Variants in STON1 observed in about 807,000 individuals in gnomAD.
STON1 encodes the protein stonin 1.
A neutral mutation model predicts 60.9 loss-of-function variants in STON1; 79 were observed. That is an observed-to-expected ratio of 1.30 (90% CI 1.08 to 1.56). The LOEUF is 1.56. STON1 is among the 40% of genes most tolerant of loss of function. The pLI is 0.00. For synonymous variants in STON1, 363 were observed against 306.9 expected (o/e 1.18, Z -1.91); for missense variants, 1,166 against 858.9 (o/e 1.36, Z -4.47).
chr2:48,538,763 A>ATTTTTTT (rs34052598), intron 1 of STON1, among the ~76,000 whole-genome samples: 1 of 86,372 alleles, frequency 1.2e-5, no homozygotes, highest in African/African-American at 4.6e-5. Flanking sequence ...ACACCCAGCT[A>ATTTTTTT]TTTTTTTTTT....
chr2:48,566,495 C>G (rs1332436895), intron 1 of STON1, among the ~76,000 whole-genome samples: 1 of 151,472 alleles, frequency 6.6e-6, no homozygotes, highest in East Asian at 1.9e-4. Context: ...GTTGGTCAGG[C>G]TGGTCTCAAT....
At chr2:48,530,316 G>A (rs1671152124) in intron 1 of STON1, 100 bp downstream of exon 1, 1 of 326,300 alleles carries the variant, frequency 3.1e-6, no homozygotes, top group Non-Finnish European at 5.9e-6. Flanking sequence ...CGGGCGCCCC[G>A]GGACGCGGGC....
intron 1 of STON1, among the ~76,000 whole-genome samples, chr2:48,564,273 C>G (rs1028989595): frequency 1.3e-5 from 2 of 152,024 alleles, no homozygotes; most frequent in African/African-American, 4.8e-5. Flanking sequence ...TCTCACAGTT[C>G]CAGAGGCTGA....
intron 1 of STON1, among the ~76,000 whole-genome samples, chr2:48,564,426 T>TTCC (rs1672751996): frequency 2.3e-5 from 1 of 43,288 alleles, no homozygotes; most frequent in Non-Finnish European, 5.1e-5. Flanking sequence ...CTTCTTCTTC[T>TTCC]TCTTCTTCTT....
At chr2:48,553,674 GAC>G in intron 1 of STON1, among the ~76,000 whole-genome samples, 1 of 152,126 alleles carries the variant, frequency 6.6e-6, no homozygotes, top group South Asian at 2.1e-4. Context: ...TTTTAGTAGA[GAC>G]ACAGTTTTAT....
At chr2:48,536,215 T>G (rs1671420513) in intron 1 of STON1, among the ~76,000 whole-genome samples, 1 of 152,164 alleles carries the variant, frequency 6.6e-6, no homozygotes, top group Non-Finnish European at 1.5e-5. Context: ...ATAATGATAG[T>G]ATCTATTACA....
intron 1 of STON1, among the ~76,000 whole-genome samples, chr2:48,548,940 C>G (rs1671979224): frequency 6.6e-6 from 1 of 152,188 alleles, no homozygotes. Context: ...GGCTTCTAAG[C>G]TCCTTTGTGC....
intron 2 of STON1, among the ~76,000 whole-genome samples, chr2:48,584,270 A>C (rs11682008): frequency 0.072 from 10,916 of 151,582 alleles, 499 homozygotes; most frequent in Non-Finnish European, 0.1. Flanking sequence ...AAACCTGGCT[A>C]TATTATTATT....
intron 2 of STON1, among the ~76,000 whole-genome samples, chr2:48,586,744 A>T (rs1181272610): frequency 6.6e-6 from 1 of 152,148 alleles, no homozygotes; most frequent in Non-Finnish European, 1.5e-5. Context: ...CTACAGAATC[A>T]TATCTTGTTT....
Position 48,549,222 on chromosome 2 carries a change from G to GAAGA in STON1, c.-48+19008_-48+19011dup, listed in dbSNP as rs930257683. Among the ~76,000 whole-genome samples the GAAGA allele has an allele frequency of 3.1e-4, 47 of 152,328 alleles. 1 individual carries two copies. The highest frequency in any genetic ancestry group is 5.0e-4 in the Non-Finnish European group (34 of 68,022). ...TAAACTAAAAAGAGTAACAAGAGCA[G>GAAGA]AAGAATTTATCAAGTGCTTCCTATT... On this transcript the variant is annotated intron_variant, in intron 1 of 3. Coordinates refer to ENST00000404752, the MANE Select transcript of STON1 (RefSeq NM_006873.4).
intron 1 of STON1, among the ~76,000 whole-genome samples, chr2:48,562,254 C>T (rs1047763729): frequency 6.6e-6 from 1 of 152,182 alleles, no homozygotes; most frequent in African/African-American, 2.4e-5. Flanking sequence ...TTTCATGTTA[C>T]ACATTTTTCA....
intron 2 of STON1, among the ~76,000 whole-genome samples, chr2:48,585,300 T>C (rs1259741212): frequency 6.6e-6 from 1 of 151,902 alleles, no homozygotes; most frequent in Non-Finnish European, 1.5e-5. Context: ...CAGGCTGGAG[T>C]GCAGTGGTGC....
chr2:48,584,310 G>C (rs1028006824), intron 2 of STON1, among the ~76,000 whole-genome samples: 1 of 151,900 alleles, frequency 6.6e-6, no homozygotes, highest in African/African-American at 2.4e-5. Flanking sequence ...GTCTTACTCT[G>C]TTGCTCAGGC....
At chr2:48,575,393 C>A (rs994115375) in intron 1 of STON1, among the ~76,000 whole-genome samples, 1 of 152,096 alleles carries the variant, frequency 6.6e-6, no homozygotes, top group Non-Finnish European at 1.5e-5. Flanking sequence ...GTGGCTCACA[C>A]CTGTAATCCC....
At chr2:48,585,248 CT>C (rs67827650) in intron 2 of STON1, among the ~76,000 whole-genome samples, 48,704 of 151,190 alleles carry the variant, frequency 0.32, 7,948 homozygotes, top group East Asian at 0.42. Flanking sequence ...TTCCTGCTTT[CT>C]TTTTTTTTCT....
At chr2:48,567,006 G>C (rs558309290) in intron 1 of STON1, among the ~76,000 whole-genome samples, 1 of 151,738 alleles carries the variant, frequency 6.6e-6, no homozygotes, top group South Asian at 2.1e-4. Flanking sequence ...CAGATTATTA[G>C]AACAAGGTAA....
chr2:48,579,025 C>G (rs1385113342), intron 1 of STON1, among the ~76,000 whole-genome samples: 1 of 150,334 alleles, frequency 6.7e-6, no homozygotes, highest in Non-Finnish European at 1.5e-5. Context: ...TTGTTTGAGA[C>G]AAAGTTTCGT....
intron 1 of STON1, among the ~76,000 whole-genome samples, chr2:48,544,964 C>G (rs1364469463): frequency 6.6e-6 from 1 of 152,116 alleles, no homozygotes; most frequent in African/African-American, 2.4e-5. Context: ...AGTGTAGCTC[C>G]AGGCCTGTTG....
rs530213064 is a variant in STON1 at position 48,581,807 on chromosome 2, A to G, written c.1174A>G (p.Thr392Ala). The change falls in exon 2 of 4, where the codon ACT becomes GCT. Residue 392 changes from threonine (T) to alanine (A), a missense_variant. Thr to Ala is a moderately conservative substitution (Grantham distance 58). Transcript: ENST00000404752. ...CCATGACTTCCTTGACTTTCTGACTACTGTGGAGGAGGAGCTGATGAAGTT... is the reference window on the plus strand; with the variant it reads ...CCATGACTTCCTTGACTTTCTGACTGCTGTGGAGGAGGAGCTGATGAAGTT... ...SYHDFLDFLT[T>A]VEEELMKLPA... 7 of 1,614,220 alleles carry G rather than the reference A, an allele frequency of 4.3e-6. No individual in the cohort carries two copies. Among genetic ancestry groups the G allele is most frequent in the Admixed American group, 1.7e-5 (1 of 60,028 alleles).
Sources: allele counts gnomAD v4.1 joint callset (sites outside exome capture counted in the v4.1 genomes callset), GRCh38; gene constraint gnomAD v4.1.1; transcripts MANE v1.5; gene names NCBI Gene and HGNC (gene_info 2026-07-23, HGNC 2026-07-21).